The following SPTA1 variants were observed in gnomAD, a reference collection of about 807,000 sequenced individuals.
SPTA1 encodes spectrin alpha, erythrocytic 1, also known as spectrin alpha chain, erythrocytic 1.
SPTA1 carries 177 observed loss-of-function variants against 324.7 expected under a neutral mutation model. The ratio of observed to expected loss-of-function variants is 0.55; its 90% CI spans 0.48 to 0.62. The LOEUF is 0.62. SPTA1 is among the 20% of genes least tolerant of loss of function. The pLI is 0.00. For missense variants in SPTA1, 3,162 were observed against 2,883.6 expected (o/e 1.10, Z -2.21); for synonymous variants, 1,195 against 1,041.3 (o/e 1.15, Z -2.84).
chr1:158,645,125 T>C (rs1408164116), intron 29 of SPTA1, 63 bp downstream of exon 29: 18 of 1,567,722 alleles, frequency 1.1e-5, no homozygotes, highest in Middle Eastern at 1.7e-4. Context: ...GTAATGACCA[T>C]ATGAAATTGC....
intron 8 of SPTA1, among the ~76,000 whole-genome samples, 180 bp downstream of exon 8, chr1:158,675,961 T>C (rs1169664139): frequency 6.6e-6 from 1 of 152,194 alleles, no homozygotes; most frequent in Non-Finnish European, 1.5e-5. Context: ...AAGGGGGTGC[T>C]ACTATATTAT....
rs1260185922 is a variant in SPTA1 at position 158,617,519 on chromosome 1, T to C, written c.6600+18A>G. 6.2e-7 allele frequency: 1 copy of C among 1,610,294 alleles called. No homozygotes were observed. The highest frequency in any genetic ancestry group is 8.5e-7 in the Non-Finnish European group (1 of 1,176,796). On this transcript the variant is annotated intron_variant, in intron 47 of 51. Transcript: ENST00000643759. The stretch of plus-strand genomic sequence containing the variant: ...TAATTTTGGCAATATCTTCAGTTAA[T>C]GAAAAAACAATACTTACTTTATTTG...
intron 10 of SPTA1, among the ~76,000 whole-genome samples, chr1:158,673,696 A>T (rs1415402418): frequency 6.6e-6 from 1 of 152,218 alleles, no homozygotes; most frequent in Admixed American, 6.5e-5. Flanking sequence ...AGAGATGAGC[A>T]TGGGAAGGTC....
intron 11 of SPTA1, 132 bp from the exon 12 acceptor site, chr1:158,671,585 A>G: frequency 1.4e-6 from 1 of 728,676 alleles, no homozygotes; most frequent in Non-Finnish European, 2.4e-6. Flanking sequence ...GATAATGGGT[A>G]GAAATTAACT....
chr1:158,671,912 CTT>C, intron 11 of SPTA1, 145 bp downstream of exon 11: 1 of 995,086 alleles, frequency 1.0e-6, no homozygotes, highest in Non-Finnish European at 1.5e-6. Context: ...AAGGGCCCAT[CTT>C]TTCTTTTTCT....
chr1:158,662,588 G>C (rs1274608380), intron 17 of SPTA1, 114 bp downstream of exon 17: 5 of 1,437,972 alleles, frequency 3.5e-6, no homozygotes, highest in Non-Finnish European at 4.8e-6. Context: ...ATGAGTGTGA[G>C]AAGAAACAGC....
Position 158,685,068 on chromosome 1 carries a change from C to T in SPTA1, c.264+40G>A. 2.5e-6 allele frequency: 4 copies of T among 1,612,896 alleles called. No homozygotes were observed. In the East Asian group the frequency reaches 8.9e-5, roughly 36 times the overall value. Reference sequence around the variant, plus strand: ...AAAACCTATTTCCTTCTCTAGAGATCTTAGGGTCTGCTCTGAGGCAATCAA... The same window carrying T: ...AAAACCTATTTCCTTCTCTAGAGATTTTAGGGTCTGCTCTGAGGCAATCAA... On this transcript the variant is annotated intron_variant, in intron 2 of 51. Coordinates refer to ENST00000643759, the MANE Select transcript of SPTA1 (RefSeq NM_003126.4).
intron 15 of SPTA1, among the ~76,000 whole-genome samples, chr1:158,667,587 A>G (rs1653700653): frequency 6.6e-6 from 1 of 152,206 alleles, no homozygotes; most frequent in Non-Finnish European, 1.5e-5. Flanking sequence ...AGTGAGGAAA[A>G]CAAAAGCAAT....
At chr1:158,662,595 C>A in intron 17 of SPTA1, 107 bp downstream of exon 17, 2 of 1,488,460 alleles carry the variant, frequency 1.3e-6, no homozygotes, top group Non-Finnish European at 1.8e-6. Context: ...TGAGAAGAAA[C>A]AGCTAAGAGC....
Position 158,642,972 on chromosome 1 carries a change from T to C in SPTA1, c.4447A>G (p.Lys1483Glu). The stretch of plus-strand genomic sequence containing the variant: ...TCAATCAGTTGTGCTTTGAGAGCCT[T>C]CCACCTAGAGGACGGAGCCAAATCA... ...TRLQRVLDRW[K>E]ALKAQLIDER... Residue 1483 changes from lysine (K) to glutamate (E), a missense_variant, in exon 32 of 52, where the codon AAG (lysine) becomes GAG (glutamate). Coordinates refer to ENST00000643759, the MANE Select transcript of SPTA1 (RefSeq NM_003126.4). 8 of 1,613,622 alleles carry C rather than the reference T, an allele frequency of 5.0e-6. No individual in the cohort carries two copies. Among genetic ancestry groups the C allele is most frequent in the Non-Finnish European group, 5.9e-6 (7 of 1,179,696 alleles).
intron 35 of SPTA1, chr1:158,639,364 G>T (rs1651353372): frequency 6.8e-6 from 4 of 585,470 alleles, no homozygotes; most frequent in Non-Finnish European, 9.1e-6. Flanking sequence ...CCACTTTCTG[G>T]AATCTTAAAG....
At position 158,644,314 on chromosome 1, in the gene SPTA1, A is replaced by G; in HGVS notation, c.4277T>C (p.Leu1426Ser). 1 of 1,613,930 alleles carries G rather than the reference A, an allele frequency of 6.2e-7. No individual in the cohort carries two copies. The highest frequency in any genetic ancestry group is 8.5e-7 in the Non-Finnish European group (1 of 1,179,900). Residue 1426 changes from leucine (L) to serine (S), a missense_variant, in exon 30 of 52, where the codon TTA (leucine) becomes TCA (serine). Coordinates refer to ENST00000643759, the MANE Select transcript of SPTA1 (RefSeq NM_003126.4). Reference sequence around the variant, plus strand: ...CTTCATCAAAGCCTCCAGACTGTCTAAGGAACTTTTGTCATCTGACCTCAG... The same window carrying G: ...CTTCATCAAAGCCTCCAGACTGTCTGAGGAACTTTTGTCATCTGACCTCAG... ...NSLRSDDKSS[L>S]DSLEALMKKR...
At chr1:158,672,291 T>C (rs1557984029) in intron 10 of SPTA1, 95 bp from the exon 11 acceptor site, 3 of 1,374,650 alleles carry the variant, frequency 2.2e-6, no homozygotes, top group Non-Finnish European at 3.0e-6. Flanking sequence ...CATTTAAGGA[T>C]ACAAAAATAA....
At chr1:158,616,131 A>G (rs1649542900) in intron 47 of SPTA1, among the ~76,000 whole-genome samples, 1 of 152,162 alleles carries the variant, frequency 6.6e-6, no homozygotes, top group South Asian at 2.1e-4. Context: ...TTTATATATA[A>G]TAGATGTACA....
rs1654382792 is a variant in SPTA1, at chr1:158,676,206, G to A, written c.1047C>T (p.Val349=). The A allele has an allele frequency of 6.2e-7, 1 of 1,613,680 alleles. No individual in the cohort carries two copies. Among genetic ancestry groups the A allele is most frequent in the Non-Finnish European group, 8.5e-7 (1 of 1,179,832 alleles). Residue 349 remains valine, a synonymous_variant, in exon 8 of 52, where the codon GTC becomes GTT. Transcript: ENST00000643759. ...PQIQEMKEDL[V]SSWEHIRALA... ...GGGCACGAATATGCTCCCAGCTGGA[G>A]ACCAGATCTTCTTTCATCTCCTGGA... is the stretch of plus-strand genomic sequence containing the variant.
At position 158,686,498 on chromosome 1, in the gene SPTA1, T is replaced by C; in HGVS notation, c.20A>G (p.Glu7Gly). The C allele has an allele frequency of 6.3e-7, 1 of 1,592,196 alleles. No homozygotes were observed. The highest frequency in any genetic ancestry group is 1.1e-5 in the South Asian group (1 of 90,520). ...GGAAGAGAAATATGTACTTACGGTT[T>C]CCTTTGGAAATTGCTCCATTTTTCC... MEQFPKETVVESSGPKV... is the reference protein window; with the variant it reads MEQFPKGTVVESSGPKV... Residue 7 changes from glutamate (E) to glycine (G), a missense_variant, in exon 1 of 52, where the codon GAA becomes GGA. Transcript: ENST00000643759.
rs41273529 is a variant in SPTA1, at chr1:158,671,494, G to T, written c.1489-41C>A. ...AGACACACCTAAGCTGTGTCTGACCGGTAAGAAACATTCCTCTTGGCATAT... is the reference window on the plus strand; with the variant it reads ...AGACACACCTAAGCTGTGTCTGACCTGTAAGAAACATTCCTCTTGGCATAT... On this transcript the variant is annotated intron_variant, in intron 11 of 51. Coordinates refer to ENST00000643759, the MANE Select transcript of SPTA1 (RefSeq NM_003126.4). The T allele has an allele frequency of 4.5e-3, 6,735 of 1,509,974 alleles. 32 individuals are homozygous for T. The highest frequency in any genetic ancestry group is 6.7e-3 in the Middle Eastern group (29 of 4,334). The allele number at this position is 1,509,974 out of a possible 1,614,324, so 93.5% of individuals were successfully genotyped here.
rs1269766645 is a variant in SPTA1 at position 158,649,850 on chromosome 1, T to C, written c.3569+6A>G. On this transcript the variant is annotated splice_donor_region_variant and intron_variant, in intron 25 of 51. Transcript: ENST00000643759. ...CAGCACTGCTTTTTAGAGTTATAATTATTACCTGTGAAACACTTCAACAGC... is the reference window on the plus strand; with the variant it reads ...CAGCACTGCTTTTTAGAGTTATAATCATTACCTGTGAAACACTTCAACAGC... 2.5e-6 allele frequency: 4 copies of C among 1,611,168 alleles called. No individual in the cohort carries two copies. In the African/African-American group the frequency reaches 5.3e-5, roughly 22 times the overall value.
intron 10 of SPTA1, among the ~76,000 whole-genome samples, chr1:158,674,044 A>G (rs1355237533): frequency 6.6e-6 from 1 of 152,190 alleles, no homozygotes; most frequent in Non-Finnish European, 1.5e-5. Context: ...TCTGAAGATA[A>G]TTTAAAGTGT....
Sources: allele counts gnomAD v4.1 joint callset (sites outside exome capture counted in the v4.1 genomes callset), GRCh38; gene constraint gnomAD v4.1.1; transcripts MANE v1.5; gene names NCBI Gene and HGNC (gene_info 2026-07-23, HGNC 2026-07-21).